PCSK5: variants seen among roughly 807,000 people sequenced by gnomAD.
PCSK5 encodes the protein proprotein convertase subtilisin/kexin type 5, also known as prohormone convertase 5.
In PCSK5, 129 loss-of-function variants were observed where a neutral mutation model predicts 233.2. The ratio of observed to expected loss-of-function variants is 0.55; its 90% CI spans 0.48 to 0.64. PCSK5 has a LOEUF of 0.64. PCSK5 is among the 30% of genes least tolerant of loss of function. The probability of loss-of-function intolerance (pLI) is 0.00; values close to 1 mark genes in which losing one functional copy is unlikely to be tolerated. For synonymous variants in PCSK5, 825 were observed against 879.2 expected (o/e 0.94, Z 1.09); for missense variants, 2,076 against 2,430.1 (o/e 0.85, Z 3.06).
chr9:75,903,149 T>G (rs928890463), intron 1 of PCSK5, among the ~76,000 whole-genome samples: 7 of 152,212 alleles, frequency 4.6e-5, no homozygotes, highest in African/African-American at 1.4e-4. Flanking sequence ...AACAAAGCTG[T>G]GTTCTGAACA....
rs142814906 is a variant in PCSK5 at position 76,303,078 on chromosome 9, T to C, written c.3604+861T>C. Among the ~76,000 whole-genome samples the C allele has an allele frequency of 7.2e-3, 1,097 of 152,152 alleles. 15 individuals carry two copies. The highest frequency in any genetic ancestry group is 0.025 in the African/African-American group (1,049 of 41,522). ...TGTTGAGATTAAGTCCCCAATCTTT[T>C]ATGATAAAGAACTCTTGCTGAGGAG... On this transcript the variant is annotated intron_variant, in intron 28 of 37. Coordinates refer to ENST00000674117, the MANE Select transcript of PCSK5 (RefSeq NM_001372043.1).
chr9:76,170,250 T>C (rs1042406503), intron 13 of PCSK5, among the ~76,000 whole-genome samples: 1 of 152,238 alleles, frequency 6.6e-6, no homozygotes, highest in African/African-American at 2.4e-5. Context: ...TACTTTTCAG[T>C]TTAGGCAAGA....
intron 3 of PCSK5, among the ~76,000 whole-genome samples, chr9:76,020,133 CCTT>C (rs1828118398): frequency 6.6e-6 from 1 of 152,186 alleles, no homozygotes; most frequent in African/African-American, 2.4e-5. Flanking sequence ...CTGGCAGAGA[CCTT>C]CTCACCATGG....
Position 76,353,458 on chromosome 9 carries a change from G to A in PCSK5, c.5068-575G>A, listed in dbSNP as rs1022539343. On this transcript the variant is annotated intron_variant, in intron 36 of 37. Coordinates refer to ENST00000674117, the MANE Select transcript of PCSK5 (RefSeq NM_001372043.1). ...ATGCTGGGTCAAAGAAAACCACAGT[G>A]TAAGCTTGATGCTTGAAGGAAAGTG... Among the ~76,000 whole-genome samples the A allele has an allele frequency of 3.8e-4, 58 of 152,296 alleles. 1 individual carries two copies. The highest frequency in any genetic ancestry group is 2.7e-3 in the Admixed American group (42 of 15,290).
chr9:75,955,522 G>A (rs1210826902), intron 2 of PCSK5, among the ~76,000 whole-genome samples: 3 of 151,914 alleles, frequency 2.0e-5, no homozygotes, highest in Non-Finnish European at 2.9e-5. Flanking sequence ...AATTGAGGCC[G>A]GGATACTACC....
intron 8 of PCSK5, among the ~76,000 whole-genome samples, chr9:76,097,249 T>G (rs867307636): frequency 8.7e-6 from 1 of 114,536 alleles, no homozygotes; most frequent in African/African-American, 3.8e-5. Context: ...TGCATTTCTT[T>G]TTTTTTTTTT....
chr9:76,351,808 G>A (rs2131525078), intron 36 of PCSK5, among the ~76,000 whole-genome samples: 1 of 151,746 alleles, frequency 6.6e-6, no homozygotes, highest in Admixed American at 6.6e-5. Flanking sequence ...CGCAATTACA[G>A]CTCATTGCAG....
intron 22 of PCSK5, among the ~76,000 whole-genome samples, chr9:76,236,824 A>C (rs1338097420): frequency 6.6e-6 from 1 of 152,222 alleles, no homozygotes; most frequent in East Asian, 1.9e-4. Context: ...AAACAATAAA[A>C]ATGGGATTGA....
intron 20 of PCSK5, among the ~76,000 whole-genome samples, chr9:76,217,018 T>A (rs781265676): frequency 7.9e-5 from 12 of 152,114 alleles, no homozygotes; most frequent in Non-Finnish European, 1.6e-4. Flanking sequence ...TTTTTTGTAT[T>A]TAGTAGAGAT....
At chr9:76,028,064 A>G (rs1371255123) in intron 5 of PCSK5, among the ~76,000 whole-genome samples, 1 of 152,238 alleles carries the variant, frequency 6.6e-6, no homozygotes, top group Non-Finnish European at 1.5e-5. Context: ...CTACAAAGAA[A>G]GCTTAACAAA....
At chr9:76,280,167 T>C (rs1827822262) in intron 24 of PCSK5, among the ~76,000 whole-genome samples, 1 of 152,206 alleles carries the variant, frequency 6.6e-6, no homozygotes, top group South Asian at 2.1e-4. Context: ...GTGATCACAG[T>C]GATCAGTGAT....
chr9:76,099,121 T>C (rs1030868427), intron 8 of PCSK5, among the ~76,000 whole-genome samples: 2 of 152,206 alleles, frequency 1.3e-5, no homozygotes, highest in African/African-American at 4.8e-5. Context: ...GTTTAATGCA[T>C]TTCTTCTGTT....
At chr9:76,102,145 A>C (rs1587629638) in intron 8 of PCSK5, among the ~76,000 whole-genome samples, 1 of 152,104 alleles carries the variant, frequency 6.6e-6, no homozygotes, top group East Asian at 1.9e-4. Flanking sequence ...AGTTGTTGTT[A>C]CCTTTGCTCT....
chr9:76,064,402 CG>C (rs1830184607), intron 5 of PCSK5, among the ~76,000 whole-genome samples: 1 of 125,420 alleles, frequency 8.0e-6, no homozygotes, highest in Non-Finnish European at 1.7e-5. Flanking sequence ...GCTGGCCAGG[CG>C]GGGGGCTGAC....
intron 1 of PCSK5, among the ~76,000 whole-genome samples, chr9:75,902,369 A>G (rs137914238): frequency 2.9e-3 from 448 of 152,196 alleles, no homozygotes; most frequent in African/African-American, 0.01. Flanking sequence ...GGTTGACCAT[A>G]GTCTGTGAGG....
At chr9:76,262,731 T>C (rs1564142752) in intron 24 of PCSK5, among the ~76,000 whole-genome samples, 1 of 150,426 alleles carries the variant, frequency 6.6e-6, no homozygotes, top group Non-Finnish European at 1.5e-5. Flanking sequence ...GGACTTCATG[T>C]CTAAAACACC....
In PCSK5 at chr9:75,985,552, A is replaced by T. The variant is rs536412984; in HGVS notation, c.298-580A>T. 2.0e-5 allele frequency among the ~76,000 whole-genome samples: 3 copies of T among 152,336 alleles called. No individual in the cohort carries two copies. In the East Asian group the frequency reaches 5.8e-4, roughly 29 times the overall value. ...GCGTTTTGATCCCAGAATGTTTTTA[A>T]AAATTGATGCATACTCTAAGTCAGT... On this transcript the variant is annotated intron_variant, in intron 2 of 37. Coordinates refer to ENST00000674117, the MANE Select transcript of PCSK5 (RefSeq NM_001372043.1).
chr9:76,184,523 T>C (rs1200702023), intron 16 of PCSK5, 150 bp from the exon 17 acceptor site: 7 of 516,726 alleles, frequency 1.4e-5, no homozygotes, highest in Non-Finnish European at 1.0e-5. Context: ...TGAGAAATGA[T>C]AACAAATAGT....
intron 32 of PCSK5, among the ~76,000 whole-genome samples, chr9:76,325,032 T>A (rs2803432): frequency 0.047 from 7,203 of 152,216 alleles, 192 homozygotes; most frequent in South Asian, 0.077. Context: ...TCCAGCCTTG[T>A]GCTGTGGATA....
Sources: allele counts gnomAD v4.1 joint callset (sites outside exome capture counted in the v4.1 genomes callset), GRCh38; gene constraint gnomAD v4.1.1; transcripts MANE v1.5; gene names NCBI Gene and HGNC (gene_info 2026-07-23, HGNC 2026-07-21).